Variants in INPP5B observed in about 807,000 individuals in gnomAD.
INPP5B encodes inositol polyphosphate-5-phosphatase B.
A neutral mutation model predicts 118.5 loss-of-function variants in INPP5B; 90 were observed. The observed-to-expected ratio is 0.76, with a 90% CI of 0.64 to 0.90. The LOEUF (loss-of-function observed/expected upper bound fraction) is 0.90, where lower values mean the gene tolerates loss of function less well. Among genes scored for constraint, INPP5B ranks in the 40% least tolerant of loss-of-function variants. The pLI, the probability that INPP5B is intolerant of heterozygous loss-of-function variation, is 0.00. For synonymous variants in INPP5B, 385 were observed against 418.9 expected, an observed-to-expected ratio of 0.92 and a Z score of 0.99; for missense variants, 984 against 1,125.6, an observed-to-expected ratio of 0.87 and a Z score of 1.80.
Position 37,923,734 on chromosome 1 carries a change from G to A in INPP5B, c.532+8179C>T, listed in dbSNP as rs570066352. Among the ~76,000 whole-genome samples the A allele has an allele frequency of 1.3e-3, 201 of 151,636 alleles. 1 individual carries two copies. Among genetic ancestry groups the A allele is most frequent in the African/African-American group, 4.5e-3 (185 of 41,406 alleles). On this transcript the variant is annotated intron_variant, in intron 7 of 23. Transcript: ENST00000373024. ...GGATACCCTGAGGTTGTTAGTGACT[G>A]CATTCAGAAATATGAAAATGGAGGG... is the stretch of plus-strand genomic sequence containing the variant.
chr1:37,897,016 G>T (rs751820273), intron 7 of INPP5B, among the ~76,000 whole-genome samples: 19 of 141,040 alleles, frequency 1.3e-4, no homozygotes, highest in Middle Eastern at 3.7e-3. Context: ...CAGCCGCCCC[G>T]TCCGGGAGGT....
chr1:37,931,841 A>G, intron 7 of INPP5B, 72 bp downstream of exon 7: 2 of 1,610,738 alleles, frequency 1.2e-6, no homozygotes, highest in Non-Finnish European at 8.5e-7. Context: ...CCGCCCCAAA[A>G]CAGAACGGAG....
At chr1:37,873,457 G>A in intron 18 of INPP5B, 1 of 405,852 alleles carries the variant, frequency 2.5e-6, no homozygotes, top group Non-Finnish European at 4.5e-6. Context: ...AGAATAAGAA[G>A]GCATGGATCA....
chr1:37,882,996 G>T (rs1643298533), intron 13 of INPP5B, 78 bp from the exon 14 acceptor site: 3 of 1,556,572 alleles, frequency 1.9e-6, no homozygotes, highest in Non-Finnish European at 2.6e-6. Context: ...TCTGACAAAG[G>T]CCCCTGAGGC....
intron 7 of INPP5B, among the ~76,000 whole-genome samples, chr1:37,919,683 C>T (rs1315765966): frequency 6.6e-6 from 1 of 152,172 alleles, no homozygotes; most frequent in African/African-American, 2.4e-5. Flanking sequence ...GTAATCCCAG[C>T]ACTTTGGGAA....
At chr1:37,932,407 C>T (rs1021725690) in intron 6 of INPP5B, among the ~76,000 whole-genome samples, 2 of 133,536 alleles carry the variant, frequency 1.5e-5, no homozygotes, top group East Asian at 2.2e-4. Flanking sequence ...CTCGCTCTGT[C>T]GCCTAAGCTG....
At chr1:37,921,173 C>T (rs756116396) in intron 7 of INPP5B, among the ~76,000 whole-genome samples, 1 of 151,964 alleles carries the variant, frequency 6.6e-6, no homozygotes, top group Non-Finnish European at 1.5e-5. Flanking sequence ...AGTGTAAGGC[C>T]CATGGACTCA....
intron 17 of INPP5B, 27 bp downstream of exon 17, chr1:37,875,579 C>T (rs765860634): frequency 3.2e-6 from 5 of 1,570,220 alleles, no homozygotes; most frequent in Non-Finnish European, 4.4e-6. Context: ...GAGCCCAATG[C>T]TAATATTCTT....
rs753620651 is a variant in INPP5B at position 37,875,711 on chromosome 1, C to T, written c.1683G>A (p.Arg561=). 21 of 1,612,712 alleles carry T rather than the reference C, an allele frequency of 1.3e-5. No homozygotes were observed. The East Asian group carries it at 4.7e-4, about 36-fold the overall frequency. Residue 561 remains arginine, a synonymous_variant, in exon 17 of 24, where the codon AGG becomes AGA. Coordinates refer to ENST00000373024, the MANE Select transcript of INPP5B (RefSeq NM_005540.3). ...PVSSVFDIGV[R]VVNDELYRKT... ...TCCGGTAAAGCTCGTCATTTACGAC[C>T]CTCACCTGAAAGGGAAACATCAGAG...
intron 15 of INPP5B, among the ~76,000 whole-genome samples, chr1:37,878,798 C>T (rs1643002624): frequency 6.6e-6 from 1 of 151,700 alleles, no homozygotes; most frequent in South Asian, 2.1e-4. Context: ...TATAGGTGTG[C>T]ACCGCCATGG....
intron 6 of INPP5B, among the ~76,000 whole-genome samples, chr1:37,937,882 C>T (rs759756875): frequency 1.7e-4 from 26 of 151,548 alleles, no homozygotes; most frequent in Non-Finnish European, 2.5e-4. Flanking sequence ...GCAGGAGAAT[C>T]GCTTGAACCC....
chr1:37,928,809 G>A (rs1305449573), intron 7 of INPP5B: 1 of 152,186 alleles, frequency 6.6e-6, no homozygotes, highest in African/African-American at 2.4e-5. Context: ...GCATTTTTAA[G>A]CAACCATTTG....
intron 22 of INPP5B, chr1:37,864,891 G>C (rs1641934865): frequency 6.6e-6 from 1 of 152,648 alleles, no homozygotes; most frequent in Non-Finnish European, 1.5e-5. Flanking sequence ...AGTTTGAATA[G>C]ATTCCAAAAG....
At position 37,907,858 on chromosome 1, in the gene INPP5B, A is replaced by G. The variant is rs1352518386; in HGVS notation, c.533-16404T>C. On this transcript the variant is annotated intron_variant, in intron 7 of 23. Transcript: ENST00000373024. This position sits in a 1 kb window ranked among gnomAD's most constrained non-coding sequence, Gnocchi z 4.3. ...AAGCTAAGCCATCATATCCCCTGTG[A>G]CCTGCATGTATACATCCAGATGGCC... 1.3e-5 allele frequency among the ~76,000 whole-genome samples: 2 copies of G among 152,152 alleles called. No individual in the cohort carries two copies. The highest frequency in any genetic ancestry group is 4.8e-5 in the African/African-American group (2 of 41,432).
At position 37,860,721 on chromosome 1, in the gene INPP5B, TA is replaced by T. The variant is rs1365055181; in HGVS notation, c.*1593del. ...CCACTGTTAAAAATACATTTATCATTAAAATATATTACACATGGAGACAGGA... is the reference window on the plus strand; with the variant it reads ...CCACTGTTAAAAATACATTTATCATTAAATATATTACACATGGAGACAGGA... On this transcript the variant is annotated 3_prime_UTR_variant, in exon 24 of 24. Transcript: ENST00000373024. The T allele has an allele frequency of 6.6e-6, 1 of 152,236 alleles. No individual in the cohort carries two copies. Among genetic ancestry groups the T allele is most frequent in the African/African-American group, 2.4e-5 (1 of 41,458 alleles). 9.4% of individuals were successfully genotyped at this position (152,236 alleles called of 1,614,324 possible). A position where few individuals can be genotyped will look rare whatever the true frequency, so the allele number is the denominator to read the frequency against.
At chr1:37,887,330 G>A (rs1349327858) in intron 11 of INPP5B, 21 bp downstream of exon 11, 1 of 1,352,364 alleles carries the variant, frequency 7.4e-7, no homozygotes, top group Non-Finnish European at 1.0e-6. Context: ...AAAATTAAGA[G>A]GTCCCTGACT....
At chr1:37,911,876 A>C (rs1159701795) in intron 7 of INPP5B, among the ~76,000 whole-genome samples, 1 of 152,234 alleles carries the variant, frequency 6.6e-6, no homozygotes, top group African/African-American at 2.4e-5. Context: ...TATGCTGATA[A>C]GGTAGTTAAA....
At chr1:37,891,971 T>C (rs1643865919) in intron 7 of INPP5B, among the ~76,000 whole-genome samples, 1 of 152,220 alleles carries the variant, frequency 6.6e-6, no homozygotes, top group Non-Finnish European at 1.5e-5. Flanking sequence ...CAGGTATCTT[T>C]ACTGCTGAAA....
intron 6 of INPP5B, among the ~76,000 whole-genome samples, chr1:37,934,772 C>T (rs771468102): frequency 6.6e-6 from 1 of 152,174 alleles, no homozygotes; most frequent in Non-Finnish European, 1.5e-5. Context: ...GCAAGACACA[C>T]ACCCAATCCT....
Sources: allele counts gnomAD v4.1 joint callset (sites outside exome capture counted in the v4.1 genomes callset), GRCh38; gene constraint gnomAD v4.1.1; non-coding constraint Gnocchi (gnomAD v3.1); transcripts MANE v1.5; gene names NCBI Gene and HGNC (gene_info 2026-07-23, HGNC 2026-07-21).